HIPK2: variants seen among roughly 807,000 people sequenced by gnomAD.
The protein encoded by HIPK2 is homeodomain-interacting protein kinase 2.
Under a neutral mutation model 113.7 loss-of-function variants are expected in HIPK2, and 27 were observed. The observed-to-expected ratio is 0.24, with a 90% CI of 0.17 to 0.33. The LOEUF (loss-of-function observed/expected upper bound fraction) is 0.33. Ranked by LOEUF, HIPK2 falls within the 10% of genes least tolerant of loss-of-function variation. HIPK2 has a pLI of 1.00. For synonymous variants in HIPK2, 631 were observed against 642.2 expected (o/e 0.98, Z 0.26); for missense variants, 1,257 against 1,588.0 (o/e 0.79, Z 3.54).
intron 12 of HIPK2, among the ~76,000 whole-genome samples, chr7:139,590,086 G>A (rs1475892428): frequency 6.6e-6 from 1 of 152,264 alleles, no homozygotes; most frequent in East Asian, 1.9e-4. Context: ...GATGACTACG[G>A]CAGATTCTTT....
intron 1 of HIPK2, among the ~76,000 whole-genome samples, chr7:139,733,849 T>G (rs1230568382): frequency 6.6e-6 from 1 of 152,198 alleles, no homozygotes; most frequent in East Asian, 1.9e-4. Flanking sequence ...GGCCAGTGTG[T>G]GACTCCTCTT....
chr7:139,723,408 G>A (rs1795475252), intron 1 of HIPK2, among the ~76,000 whole-genome samples: 1 of 152,012 alleles, frequency 6.6e-6, no homozygotes, highest in Admixed American at 6.5e-5. Flanking sequence ...TGGCCAGGCT[G>A]GTCTCGAACT....
chr7:139,587,171 A>G (rs770118109), intron 12 of HIPK2, among the ~76,000 whole-genome samples: 4 of 152,216 alleles, frequency 2.6e-5, no homozygotes, highest in Admixed American at 6.5e-5. Context: ...TATACAGTAC[A>G]GTACATGAAT....
intron 14 of HIPK2, among the ~76,000 whole-genome samples, chr7:139,573,760 A>G (rs930742832): frequency 3.3e-5 from 5 of 151,874 alleles, no homozygotes; most frequent in Non-Finnish European, 7.4e-5. Context: ...AGGCACAAGA[A>G]TCACTTGAAC....
At chr7:139,647,066 C>T (rs1180821235) in intron 2 of HIPK2, among the ~76,000 whole-genome samples, 1 of 152,098 alleles carries the variant, frequency 6.6e-6, no homozygotes, top group South Asian at 2.1e-4. Flanking sequence ...TCCTACAACG[C>T]TAACTATGTC....
rs1569434951 is a variant in HIPK2 at position 139,565,701 on chromosome 7, CTTCTT to C, written c.*7221_*7225del. On this transcript the variant is annotated 3_prime_UTR_variant, in exon 15 of 15. Transcript: ENST00000406875. ...AAGTCTTGTCTTTCTTCCACCTCTA[CTTCTT>C]TTTTTTTTTCTTTTTTTTTTCTTTT... The C allele has an allele frequency of 1.3e-5, 2 of 150,412 alleles. No homozygotes were observed. The highest frequency in any genetic ancestry group is 3.0e-5 in the Non-Finnish European group (2 of 67,714). The allele number at this position is 150,412 out of a possible 1,614,324, so 9.3% of individuals were successfully genotyped here. A position where few individuals can be genotyped will look rare whatever the true frequency, so the allele number is the denominator to read the frequency against.
At position 139,619,505 on chromosome 7, in the gene HIPK2, T is replaced by G. The variant is rs115771462; in HGVS notation, c.1782+896A>C. Among the ~76,000 whole-genome samples the G allele has an allele frequency of 3.8e-3, 574 of 152,286 alleles. 2 individuals carry two copies. The highest frequency in any genetic ancestry group is 0.013 in the African/African-American group (558 of 41,556). The stretch of plus-strand genomic sequence containing the variant: ...GTATGTTAGCTGCTCCTTCTGCCAA[T>G]TTCCTGGAAATCTGTGGGAAGAAAA... On this transcript the variant is annotated intron_variant, in intron 7 of 14. Transcript: ENST00000406875.
At chr7:139,661,111 C>T (rs913875045) in intron 2 of HIPK2, among the ~76,000 whole-genome samples, 3 of 152,144 alleles carry the variant, frequency 2.0e-5, no homozygotes, top group Non-Finnish European at 2.9e-5. Context: ...AATACTGCTT[C>T]CATGGCCCAT....
At chr7:139,579,246 G>C (rs945462920) in intron 13 of HIPK2, among the ~76,000 whole-genome samples, 1 of 152,082 alleles carries the variant, frequency 6.6e-6, no homozygotes, top group African/African-American at 2.4e-5. Flanking sequence ...TATGAAGGGA[G>C]AGGCAGCAAG....
chr7:139,679,282 T>TA (rs1802614544), intron 2 of HIPK2, among the ~76,000 whole-genome samples: 1 of 152,176 alleles, frequency 6.6e-6, no homozygotes, highest in Non-Finnish European at 1.5e-5. Flanking sequence ...TAAAGGGCCT[T>TA]AAACCCATTC....
chr7:139,740,126 G>A (rs1191878871), intron 1 of HIPK2, among the ~76,000 whole-genome samples: 4 of 152,124 alleles, frequency 2.6e-5, no homozygotes, highest in Non-Finnish European at 5.9e-5. Flanking sequence ...GTGGCCTCCT[G>A]AAGTCCCCAG....
chr7:139,749,068 G>T (rs1459355933), intron 1 of HIPK2, among the ~76,000 whole-genome samples: 1 of 152,226 alleles, frequency 6.6e-6, no homozygotes, highest in Non-Finnish European at 1.5e-5. Context: ...TGTCACAATT[G>T]TCATGGTCAC....
rs527532538 is a variant in HIPK2, at chr7:139,572,701, TC to T, written c.*225del. On this transcript the variant is annotated 3_prime_UTR_variant, in exon 15 of 15. Coordinates refer to ENST00000406875, the MANE Select transcript of HIPK2 (RefSeq NM_022740.5). ...CTTTTAAAAATGTTCTCTTCTCTGC[TC>T]TACGTCCTCCCACTTCCCGGTTCAA... 218 of 485,886 alleles carry T rather than the reference TC, an allele frequency of 4.5e-4. 2 individuals carry two copies. Among genetic ancestry groups the T allele is most frequent in the African/African-American group, 4.2e-3 (206 of 49,616 alleles). 30.1% of individuals were successfully genotyped at this position (485,886 alleles called of 1,614,324 possible).
intron 9 of HIPK2, among the ~76,000 whole-genome samples, chr7:139,609,640 C>A (rs1799743990): frequency 6.6e-6 from 1 of 152,106 alleles, no homozygotes; most frequent in Non-Finnish European, 1.5e-5. Context: ...TTTTTTATAG[C>A]CACCATAAGA....
At chr7:139,641,087 G>A (rs1343248671) in intron 2 of HIPK2, among the ~76,000 whole-genome samples, 4 of 152,138 alleles carry the variant, frequency 2.6e-5, no homozygotes, top group East Asian at 1.9e-4. Context: ...CTCCCTGGCC[G>A]GGTGCAGTGG....
chr7:139,640,531 G>A (rs1439481302), intron 2 of HIPK2, among the ~76,000 whole-genome samples: 4 of 152,206 alleles, frequency 2.6e-5, no homozygotes, highest in Non-Finnish European at 5.9e-5. Flanking sequence ...GAGCATCATA[G>A]GGGGGCACCT....
At chr7:139,698,979 A>G (rs1307361633) in intron 2 of HIPK2, among the ~76,000 whole-genome samples, 6 of 152,198 alleles carry the variant, frequency 3.9e-5, no homozygotes, top group Non-Finnish European at 8.8e-5. Context: ...GAATAGAGAA[A>G]TGAAACCTGA....
rs749524345 is a variant in HIPK2, at chr7:139,573,404, A to C, written c.3127-7T>G. 1.9e-6 allele frequency: 3 copies of C among 1,600,686 alleles called. No individual in the cohort carries two copies. Among genetic ancestry groups the C allele is most frequent in the Non-Finnish European group, 2.5e-6 (3 of 1,179,546 alleles). On this transcript the variant is annotated splice_region_variant and splice_polypyrimidine_tract_variant and intron_variant, in intron 14 of 14. Coordinates refer to ENST00000406875, the MANE Select transcript of HIPK2 (RefSeq NM_022740.5). ...TGGTGATGTGCTGCTGAGCCTGGGG[A>C]GGAGAGGCACCAAGAGAGACGTCAG... is the stretch of plus-strand genomic sequence containing the variant.
intron 2 of HIPK2, among the ~76,000 whole-genome samples, chr7:139,646,344 TA>T (rs1801223306): frequency 6.6e-6 from 1 of 151,590 alleles, no homozygotes; most frequent in Non-Finnish European, 1.5e-5. Flanking sequence ...AAAAATTTTT[TA>T]AAAAATTAGC....
Sources: gnomAD v4.1 joint callset for allele counts (sites outside exome capture counted in the v4.1 genomes callset) on GRCh38, gnomAD v4.1.1 for gene constraint, MANE v1.5 for transcripts, NCBI Gene and HGNC (gene_info 2026-07-23, HGNC 2026-07-21) for gene names.